The following HS6ST3 variants were observed in gnomAD, a reference collection of about 807,000 sequenced individuals.
HS6ST3 encodes the protein heparan sulfate 6-O-sulfotransferase 3.
HS6ST3 carries 12 observed loss-of-function variants against 36.7 expected under a neutral mutation model. The observed-to-expected ratio is 0.33, with a 90% CI of 0.21 to 0.53. The LOEUF is 0.53. Ranked by LOEUF, HS6ST3 falls within the 20% of genes least tolerant of loss-of-function variation. The pLI is 0.95. For synonymous variants in HS6ST3, 240 were observed against 257.5 expected, an observed-to-expected ratio of 0.93 and a Z score of 0.65; for missense variants, 584 against 640.9, an observed-to-expected ratio of 0.91 and a Z score of 0.96.
At chr13:96,698,070 G>A (rs1490316788) in intron 1 of HS6ST3, among the ~76,000 whole-genome samples, 1 of 151,838 alleles carries the variant, frequency 6.6e-6, no homozygotes, top group East Asian at 1.9e-4. Context: ...TAGTTTTTAA[G>A]TTTTAGGGTA....
intron 1 of HS6ST3, among the ~76,000 whole-genome samples, chr13:96,569,844 C>T (rs113301548): frequency 1.2e-4 from 19 of 152,128 alleles, no homozygotes; most frequent in African/African-American, 4.3e-4. Context: ...TATTAGATCT[C>T]AGGGCTGTGT....
chr13:96,509,944 T>C (rs2056042327), intron 1 of HS6ST3, among the ~76,000 whole-genome samples: 1 of 152,166 alleles, frequency 6.6e-6, no homozygotes, highest in Non-Finnish European at 1.5e-5. Context: ...AGTATGGTCA[T>C]TTTTACACTA....
intron 1 of HS6ST3, among the ~76,000 whole-genome samples, chr13:96,630,258 T>C: frequency 6.6e-6 from 1 of 152,208 alleles, no homozygotes; most frequent in East Asian, 1.9e-4. Flanking sequence ...GTGTGGTTTT[T>C]AAATTGTAAT....
intron 1 of HS6ST3, among the ~76,000 whole-genome samples, chr13:96,387,119 T>A (rs2139449474): frequency 6.6e-6 from 1 of 152,276 alleles, no homozygotes; most frequent in African/African-American, 2.4e-5. Context: ...TGAAGGTAAT[T>A]GTTGACAGCC....
At chr13:96,520,160 G>A (rs1391466917) in intron 1 of HS6ST3, among the ~76,000 whole-genome samples, 1 of 152,164 alleles carries the variant, frequency 6.6e-6, no homozygotes, top group Non-Finnish European at 1.5e-5. Flanking sequence ...AGATCAGTTG[G>A]TGGTAGACGT....
intron 1 of HS6ST3, among the ~76,000 whole-genome samples, chr13:96,457,368 C>A (rs1244661414): frequency 1.5e-5 from 2 of 135,870 alleles, no homozygotes; most frequent in African/African-American, 5.1e-5. Flanking sequence ...TCTTAACTCT[C>A]AACTTCTAGC....
At chr13:96,253,220 T>C (rs2054616035) in intron 1 of HS6ST3, among the ~76,000 whole-genome samples, 1 of 151,980 alleles carries the variant, frequency 6.6e-6, no homozygotes, top group African/African-American at 2.4e-5. Context: ...TGCAGGCCAG[T>C]TGCTGTGTGC....
intron 1 of HS6ST3, among the ~76,000 whole-genome samples, chr13:96,733,060 A>G (rs1235864533): frequency 6.6e-6 from 1 of 152,166 alleles, no homozygotes; most frequent in African/African-American, 2.4e-5. Flanking sequence ...TTTCCTATAT[A>G]AGATGTGTTA....
At chr13:96,734,371 G>A (rs117495300) in intron 1 of HS6ST3, among the ~76,000 whole-genome samples, 1 of 152,328 alleles carries the variant, frequency 6.6e-6, no homozygotes, top group East Asian at 1.9e-4. Context: ...AGTGAGGTAT[G>A]GTGAAACTAT....
chr13:96,304,759 G>A (rs1361552449), intron 1 of HS6ST3, among the ~76,000 whole-genome samples: 5 of 95,492 alleles, frequency 5.2e-5, no homozygotes, highest in Middle Eastern at 6.0e-3. Context: ...CACCCAGGCC[G>A]GAGTTCAGTG....
chr13:96,674,886 G>A (rs2056693987), intron 1 of HS6ST3, among the ~76,000 whole-genome samples: 1 of 152,184 alleles, frequency 6.6e-6, no homozygotes. Flanking sequence ...TCAAGAGAAA[G>A]ATTTTTGTGA....
At chr13:96,147,606 G>T (rs1292216764) in intron 1 of HS6ST3, among the ~76,000 whole-genome samples, 1 of 152,182 alleles carries the variant, frequency 6.6e-6, no homozygotes, top group African/African-American at 2.4e-5. Context: ...TCAAAGCTGT[G>T]CCCATTGGGT....
chr13:96,328,023 T>C (rs2055042576), intron 1 of HS6ST3, among the ~76,000 whole-genome samples: 1 of 147,986 alleles, frequency 6.8e-6, no homozygotes, highest in African/African-American at 2.5e-5. Context: ...TTTTTCTACA[T>C]TGATTTTGTA....
At chr13:96,545,433 AG>A (rs2056194217) in intron 1 of HS6ST3, among the ~76,000 whole-genome samples, 1 of 152,190 alleles carries the variant, frequency 6.6e-6, no homozygotes, top group African/African-American at 2.4e-5. Context: ...TGAAAAACCT[AG>A]GAAATATTTT....
At chr13:96,376,770 A>G (rs1411757556) in intron 1 of HS6ST3, among the ~76,000 whole-genome samples, 2 of 151,984 alleles carry the variant, frequency 1.3e-5, no homozygotes, top group Non-Finnish European at 1.5e-5. Context: ...CATTCAGTAA[A>G]TACTTATTTA....
At chr13:96,305,058 T>C (rs751837777) in intron 1 of HS6ST3, among the ~76,000 whole-genome samples, 2 of 152,126 alleles carry the variant, frequency 1.3e-5, no homozygotes, top group Non-Finnish European at 2.9e-5. Flanking sequence ...TCCACATTTA[T>C]TTATTCATCA....
At chr13:96,281,531 GA>G (rs2054776139) in intron 1 of HS6ST3, among the ~76,000 whole-genome samples, 1 of 152,114 alleles carries the variant, frequency 6.6e-6, no homozygotes, top group African/African-American at 2.4e-5. Flanking sequence ...ATAGAATATT[GA>G]GGGCTATTGT....
intron 1 of HS6ST3, among the ~76,000 whole-genome samples, chr13:96,743,757 G>A (rs1323811108): frequency 6.6e-6 from 1 of 152,018 alleles, no homozygotes; most frequent in African/African-American, 2.4e-5. Flanking sequence ...TACATTTGGG[G>A]TAGGGTCTAA....
chr13:96,110,855 G>A (rs1178893540), intron 1 of HS6ST3, among the ~76,000 whole-genome samples: 1 of 152,132 alleles, frequency 6.6e-6, no homozygotes, highest in East Asian at 1.9e-4. Flanking sequence ...TCCTTGAGGG[G>A]TGTGGTGAAG....
Sources: allele counts gnomAD v4.1 joint callset (sites outside exome capture counted in the v4.1 genomes callset), GRCh38; gene constraint gnomAD v4.1.1; transcripts MANE v1.5; gene names NCBI Gene and HGNC (gene_info 2026-07-23, HGNC 2026-07-21).